Variants in FAM120C observed in about 807,000 individuals in gnomAD.
The protein encoded by FAM120C is family with sequence similarity 120 member C.
In FAM120C, 14 loss-of-function variants were observed where a neutral mutation model predicts 71.2. The observed-to-expected ratio is 0.20, with a 90% CI of 0.13 to 0.31. The LOEUF (loss-of-function observed/expected upper bound fraction) is 0.31, where lower values mean the gene tolerates loss of function less well. Among genes scored for constraint, FAM120C ranks in the 10% least tolerant of loss-of-function variants. FAM120C has a pLI of 1.00. For missense variants in FAM120C, 500 were observed against 879.0 expected (o/e 0.57, Z 5.45); for synonymous variants, 354 against 353.2 (o/e 1.00, Z -0.03).
chrX:54,113,189 C>T (rs948744221), intron 10 of FAM120C, among the ~76,000 whole-genome samples: 23 of 111,320 alleles, frequency 2.1e-4, no homozygotes, highest in African/African-American at 6.9e-4. Flanking sequence ...TGGCCGGGGG[C>T]GGTGGCTCAC....
chrX:54,100,504 T>C (rs182623188), intron 10 of FAM120C, among the ~76,000 whole-genome samples: 13 of 106,091 alleles, frequency 1.2e-4, no homozygotes, highest in African/African-American at 3.8e-4. Context: ...AACAAACAAA[T>C]AAACAAACAA....
chrX:54,094,680 C>T (rs1456627417), intron 10 of FAM120C, among the ~76,000 whole-genome samples: 2 of 108,049 alleles, frequency 1.9e-5, no homozygotes, highest in South Asian at 4.2e-4. Context: ...GGGCAGATCA[C>T]GAGGTCAGGA....
rs782147833 is a variant in FAM120C at position 54,164,827 on chromosome X, C to T, written c.700-5211G>A. ...TTTTATTTTTAATATATTAAGGAAC[C>T]TCCATACTGTTTTCCACAGCAGCTG... On this transcript the variant is annotated intron_variant, in intron 1 of 15. Transcript: ENST00000375180. Among the ~76,000 whole-genome samples, 211 of 111,742 alleles carry T rather than the reference C, an allele frequency of 1.9e-3. 2 individuals carry two copies. The highest frequency in any genetic ancestry group is 9.3e-3 in the Middle Eastern group (2 of 216).
At chrX:54,134,184 A>T (rs1200916666) in intron 7 of FAM120C, 138 bp from the exon 8 acceptor site, 23 of 573,092 alleles carry the variant, frequency 4.0e-5, no homozygotes, top group Non-Finnish European at 6.1e-5. Flanking sequence ...CTGGACTGGT[A>T]CCTTTCCTCT....
Position 54,140,105 on chromosome X carries a change from G to T in FAM120C, c.1159-3515C>A, listed in dbSNP as rs782061098. ...GTTAAGGAGTTCGAGACTAGCCCAG[G>T]ACAACATGGTGAAATCCCGTCTCTA... On this transcript the variant is annotated intron_variant, in intron 4 of 15. Transcript: ENST00000375180. 1.8e-3 allele frequency among the ~76,000 whole-genome samples: 196 copies of T among 107,896 alleles called. 1 individual carries two copies. The highest frequency in any genetic ancestry group is 6.1e-3 in the African/African-American group (182 of 29,704). The allele number at this position is 107,896 out of a possible 115,157, so 93.7% of individuals were successfully genotyped here. A position where few individuals can be genotyped will look rare whatever the true frequency, so the allele number is the denominator to read the frequency against.
rs1049949117 is a variant in FAM120C at position 54,154,302 on chromosome X, T to A, written c.1030-2929A>T. Among the ~76,000 whole-genome samples, 5 of 108,681 alleles carry A rather than the reference T, an allele frequency of 4.6e-5. No homozygotes were observed. The Admixed American group carries it at 5.0e-4, about 11-fold the overall frequency. 94.4% of individuals were successfully genotyped at this position (108,681 alleles called of 115,157 possible). On this transcript the variant is annotated intron_variant, in intron 3 of 15. Transcript: ENST00000375180. ...GGAGTCAGGATGACCCCCAAGGATT[T>A]TAGCCTGAGAAAATGGAAGGATGGG...
intron 10 of FAM120C, among the ~76,000 whole-genome samples, chrX:54,108,801 G>A (rs1037600581): frequency 3.6e-4 from 38 of 104,697 alleles, no homozygotes; most frequent in Non-Finnish European, 5.9e-4. Context: ...GTGGTGGTGC[G>A]CGCCTGTAAT....
chrX:54,126,697 CAT>C (rs782546755), intron 9 of FAM120C, among the ~76,000 whole-genome samples: 10 of 113,122 alleles, frequency 8.8e-5, no homozygotes, highest in Non-Finnish European at 1.7e-4. Flanking sequence ...GATATAATCA[CAT>C]GATTTTTCTT....
chrX:54,129,134 CGGCCGGGGCGGCT>C (rs1475365564), intron 9 of FAM120C, among the ~76,000 whole-genome samples: 3 of 105,132 alleles, frequency 2.9e-5, no homozygotes, highest in Admixed American at 1.0e-4. Context: ...ACGGGGCGGC[CGGCCGGGGCGGCT>C]GGCCTGGCGG....
Position 54,069,191 on chromosome X carries a change from C to A in FAM120C, c.*3842G>T, listed in dbSNP as rs1352083992. 2.7e-5 allele frequency: 3 copies of A among 111,389 alleles called. No individual in the cohort carries two copies. Among genetic ancestry groups the A allele is most frequent in the Non-Finnish European group, 5.6e-5 (3 of 53,112 alleles). The allele number at this position is 111,389 out of a possible 1,213,427, so 9.2% of individuals were successfully genotyped here. On this transcript the variant is annotated 3_prime_UTR_variant, in exon 16 of 16. Transcript: ENST00000375180. ...GTAACAGGGGAATAGGTGCACTGAG[C>A]TCTCTACCTGCACCAGCAGACTACT...
intron 10 of FAM120C, among the ~76,000 whole-genome samples, chrX:54,111,300 GA>G (rs782659798): frequency 9.1e-6 from 1 of 110,095 alleles, no homozygotes; most frequent in Non-Finnish European, 1.9e-5. Context: ...TCAGGAAAGA[GA>G]AAAAAAATAT....
At position 54,098,492 on chromosome X, in the gene FAM120C, C is replaced by G. The variant is rs7062829; in HGVS notation, c.2313-7066G>C. On this transcript the variant is annotated intron_variant, in intron 10 of 15. Coordinates refer to ENST00000375180, the MANE Select transcript of FAM120C (RefSeq NM_017848.6). ...GATGTCTTCTTTTTAAATCTCCCAC[C>G]CGATCCCTTGTCTTTTTGATTATAG... Among the ~76,000 whole-genome samples the G allele has an allele frequency of 3.3e-3, 369 of 111,836 alleles. 2 individuals are homozygous for G. Among genetic ancestry groups the G allele is most frequent in the African/African-American group, 0.011 (345 of 30,884 alleles).
At chrX:54,172,603 G>GTACC (rs2067293866) in intron 1 of FAM120C, among the ~76,000 whole-genome samples, 1 of 111,945 alleles carries the variant, frequency 8.9e-6, no homozygotes, top group Admixed American at 9.5e-5. Context: ...ATTTCCAGAT[G>GTACC]TACCTGTGAT....
intron 10 of FAM120C, among the ~76,000 whole-genome samples, chrX:54,116,213 T>C (rs1379618235): frequency 2.7e-5 from 3 of 112,062 alleles, no homozygotes; most frequent in African/African-American, 9.7e-5. Context: ...AACAAATATA[T>C]GAAAGATGGC....
intron 10 of FAM120C, among the ~76,000 whole-genome samples, chrX:54,094,241 G>A (rs782426114): frequency 1.8e-5 from 2 of 108,749 alleles, no homozygotes; most frequent in South Asian, 4.2e-4. Flanking sequence ...GGGACTATAG[G>A]TGCCTGCCAC....
At chrX:54,118,699 CTTTTTTTTTTTTT>C (rs1187381929) in intron 9 of FAM120C, among the ~76,000 whole-genome samples, 1 of 31,721 alleles carries the variant, frequency 3.2e-5, no homozygotes, top group African/African-American at 1.4e-4. Flanking sequence ...TTCTTTTTTT[CTTTTTTTTTTTTT>C]TTTTTTTTTT....
intron 9 of FAM120C, among the ~76,000 whole-genome samples, chrX:54,117,452 AT>A (rs2066977156): frequency 9.4e-6 from 1 of 106,775 alleles, no homozygotes; most frequent in Non-Finnish European, 1.9e-5. Context: ...TAATCCCAGA[AT>A]TTTGGGAGGC....
At chrX:54,081,668 G>T (rs1283806484) in intron 13 of FAM120C, among the ~76,000 whole-genome samples, 2 of 108,416 alleles carry the variant, frequency 1.8e-5, no homozygotes, top group African/African-American at 6.7e-5. Context: ...CAGCCACTCG[G>T]GAGGCGGAGG....
intron 13 of FAM120C, among the ~76,000 whole-genome samples, chrX:54,081,765 T>G (rs1206626202): frequency 2.1e-5 from 2 of 96,567 alleles, no homozygotes; most frequent in African/African-American, 3.8e-5. Flanking sequence ...CAGAATGAGA[T>G]TCTGTCTTGA....
Sources: allele counts gnomAD v4.1 joint callset (sites outside exome capture counted in the v4.1 genomes callset), GRCh38; gene constraint gnomAD v4.1.1; transcripts MANE v1.5; gene names NCBI Gene and HGNC (gene_info 2026-07-23, HGNC 2026-07-21).